The following RASGRF1 variants were observed in gnomAD, a reference collection of about 807,000 sequenced individuals.
The protein encoded by RASGRF1 is ras-specific guanine nucleotide-releasing factor 1.
RASGRF1 carries 40 observed loss-of-function variants against 138.7 expected under a neutral mutation model. The observed-to-expected ratio is 0.29, with a 90% confidence interval of 0.22 to 0.38. The LOEUF is 0.38. Among genes scored for constraint, RASGRF1 ranks in the 10% least tolerant of loss-of-function variants. The probability of loss-of-function intolerance (pLI) is 1.00; values close to 1 mark genes in which losing one functional copy is unlikely to be tolerated. For synonymous variants in RASGRF1, 614 were observed against 663.2 expected, an observed-to-expected ratio of 0.93 and a Z score of 1.14; for missense variants, 1,108 against 1,650.4, an observed-to-expected ratio of 0.67 and a Z score of 5.69.
chr15:79,077,208 G>A (rs977933186), intron 1 of RASGRF1, among the ~76,000 whole-genome samples: 1 of 152,146 alleles, frequency 6.6e-6, no homozygotes, highest in African/African-American at 2.4e-5. Flanking sequence ...GGGGCCCTGG[G>A]GTTGTGGGGT....
chr15:79,071,377 T>TG (rs35356071), intron 1 of RASGRF1, among the ~76,000 whole-genome samples: 1 of 151,476 alleles, frequency 6.6e-6, no homozygotes, highest in Non-Finnish European at 1.5e-5. Context: ...TTTTTTTTTT[T>TG]GAGTCAGAGT....
rs577386533 is a variant in RASGRF1 at position 78,982,373 on chromosome 15, T to A, written c.3415-1674A>T. ...CGTGCTTGCTGTGTATGGATGCTCCTCTTTGGGTTGTCATGCTGTCTCCAG... is the reference window on the plus strand; with the variant it reads ...CGTGCTTGCTGTGTATGGATGCTCCACTTTGGGTTGTCATGCTGTCTCCAG... On this transcript the variant is annotated intron_variant, in intron 23 of 26. Transcript: ENST00000558480. Among the ~76,000 whole-genome samples the A allele has an allele frequency of 5.1e-4, 78 of 152,290 alleles. 2 individuals are homozygous for A. The South Asian group carries it at 0.012, about 24-fold the overall frequency.
chr15:79,068,538 C>CAT (rs2057710758), intron 1 of RASGRF1, among the ~76,000 whole-genome samples: 2 of 147,268 alleles, frequency 1.4e-5, no homozygotes, highest in Admixed American at 6.8e-5. Flanking sequence ...TATATACATA[C>CAT]ATATATATAC....
At chr15:78,998,419 GC>G (rs2056442653) in intron 18 of RASGRF1, among the ~76,000 whole-genome samples, 1 of 152,198 alleles carries the variant, frequency 6.6e-6, no homozygotes, top group Non-Finnish European at 1.5e-5. Context: ...CCAGATCAAA[GC>G]CCATCTTTCA....
chr15:78,962,185 A>G lies in RASGRF1; in HGVS notation c.3733T>C (p.Tyr1245His). Residue 1245 changes from tyrosine to histidine, a missense_variant, in exon 27 of 27, where the codon TAC becomes CAC. Around this residue, in one of 3 missense-constraint regions of RASGRF1, gnomAD observed 686 missense variants for 976.7 expected, o/e 0.70. Coordinates refer to ENST00000558480, the MANE Select transcript of RASGRF1 (RefSeq NM_001145648.3). ...QSFVMDEESL[Y>H]ESSLRIEPKL... ...GGTTCTATTCGGAGAGAAGACTCGT[A>G]GAGGCTTTCTTCATCCATTACAAAA... The G allele has an allele frequency of 6.3e-7, 1 of 1,590,006 alleles. No homozygotes were observed. Among genetic ancestry groups the G allele is most frequent in the South Asian group, 1.1e-5 (1 of 88,066 alleles).
At chr15:79,016,179 G>C (rs368798462) in intron 12 of RASGRF1, among the ~76,000 whole-genome samples, 69 of 152,310 alleles carry the variant, frequency 4.5e-4, no homozygotes, top group African/African-American at 1.6e-3. Flanking sequence ...GATAGGGAAG[G>C]CTTGGTGGCA....
chr15:79,003,917 C>A lies in RASGRF1; in HGVS notation c.2334G>T (p.Lys778Asn). ...AGAGCTTGCTGGTGTCCAGCGTGGC[C>A]TTGCTGAAGGGTGACATGGCCGAGT... ...SMYSAMSPFS[K>N]ATLDTSKLYV... The change falls in exon 15 of 27, where the codon AAG becomes AAT. Residue 778 changes from lysine to asparagine, a missense_variant. Physicochemically the swap from Lys to Asn is moderately conservative, Grantham distance 94. This residue lies in a region of RASGRF1 where 686 missense variants were observed against 976.7 expected (regional missense o/e 0.70). Transcript: ENST00000558480. The A allele has an allele frequency of 6.2e-7, 1 of 1,614,190 alleles. No individual in the cohort carries two copies. The highest frequency in any genetic ancestry group is 8.5e-7 in the Non-Finnish European group (1 of 1,180,040).
chr15:78,976,322 G>A lies in RASGRF1; in HGVS notation c.3495-2902C>T, dbSNP rs142168343. On this transcript the variant is annotated intron_variant, in intron 24 of 26. Transcript: ENST00000558480. ...GGCCAATCTTTTCGCTTCCCTGGCC[G>A]CATTGGAAGAAGAATTGTCTTGGGC... 6.7e-3 allele frequency among the ~76,000 whole-genome samples: 1,015 copies of A among 152,162 alleles called. 6 individuals carry two copies. The highest frequency in any genetic ancestry group is 0.023 in the South Asian group (112 of 4,816).
intron 13 of RASGRF1, among the ~76,000 whole-genome samples, chr15:79,010,028 G>GTTT (rs1378014746): frequency 3.5e-5 from 5 of 143,322 alleles, no homozygotes; most frequent in Non-Finnish European, 4.6e-5. Context: ...CAGCCTCTTT[G>GTTT]TTTGTTTTTT....
chr15:78,980,511 A>G, intron 24 of RASGRF1, 109 bp downstream of exon 24: 1 of 816,278 alleles, frequency 1.2e-6, no homozygotes, highest in Non-Finnish European at 2.0e-6. Flanking sequence ...AGACAGACGA[A>G]CAGACAGACA....
chr15:79,016,688 C>A (rs1271599196), intron 12 of RASGRF1, among the ~76,000 whole-genome samples: 1 of 152,228 alleles, frequency 6.6e-6, no homozygotes, highest in African/African-American at 2.4e-5. Flanking sequence ...AGACTCAGAA[C>A]AGGCACGTGC....
At chr15:79,025,982 C>T (rs2057043179) in intron 9 of RASGRF1, among the ~76,000 whole-genome samples, 1 of 151,522 alleles carries the variant, frequency 6.6e-6, no homozygotes, top group Non-Finnish European at 1.5e-5. Context: ...CCATGGCAGG[C>T]ATCACCAATC....
chr15:78,997,343 G>A (rs1200540637), intron 19 of RASGRF1, among the ~76,000 whole-genome samples: 1 of 152,248 alleles, frequency 6.6e-6, no homozygotes, highest in Non-Finnish European at 1.5e-5. Context: ...GTCCAATGCA[G>A]GGACTGCTAG....
At chr15:79,075,560 T>C (rs1034632411) in intron 1 of RASGRF1, among the ~76,000 whole-genome samples, 2 of 152,186 alleles carry the variant, frequency 1.3e-5, no homozygotes, top group African/African-American at 2.4e-5. Context: ...GACTCTCTTT[T>C]GCCTCCTGCC....
At chr15:78,979,220 C>A in intron 24 of RASGRF1, 1 of 1,238,596 alleles carries the variant, frequency 8.1e-7, no homozygotes, top group Non-Finnish European at 1.0e-6. Context: ...AGGACACAAA[C>A]AAAGTGGAGA....
intron 14 of RASGRF1, chr15:79,004,888 C>G: frequency 4.1e-6 from 4 of 981,920 alleles, no homozygotes; most frequent in Non-Finnish European, 4.8e-6. Context: ...CTTATTCCTA[C>G]AGGATAACTG....
intron 3 of RASGRF1, among the ~76,000 whole-genome samples, chr15:79,054,714 C>A (rs560285531): frequency 6.6e-6 from 1 of 152,226 alleles, no homozygotes; most frequent in Non-Finnish European, 1.5e-5. Context: ...AGTCAGTAAT[C>A]AACCTCTGTT....
At chr15:79,052,180 A>G (rs2057442307) in intron 3 of RASGRF1, among the ~76,000 whole-genome samples, 1 of 151,958 alleles carries the variant, frequency 6.6e-6, no homozygotes, top group Non-Finnish European at 1.5e-5. Flanking sequence ...TGCCCCCTAG[A>G]GGCAAACTGT....
chr15:78,962,262 A>G (rs1388587204), intron 26 of RASGRF1, 26 bp from the exon 27 acceptor site: 1 of 1,446,704 alleles, frequency 6.9e-7, no homozygotes, highest in Non-Finnish European at 9.5e-7. Context: ...AGAAAAGGGA[A>G]TGGGAGGGTT....
Sources: allele counts gnomAD v4.1 joint callset (sites outside exome capture counted in the v4.1 genomes callset), GRCh38; gene constraint gnomAD v4.1.1; regional missense constraint gnomAD v4.1.1; transcripts MANE v1.5; gene names NCBI Gene and HGNC (gene_info 2026-07-23, HGNC 2026-07-21).